HS3ST4: variants seen among roughly 807,000 people sequenced by gnomAD.
The protein encoded by HS3ST4 is heparan sulfate-glucosamine 3-sulfotransferase 4, also known as heparan sulfate glucosamine 3-O-sulfotransferase 4.
Under a neutral mutation model 29.2 loss-of-function variants are expected in HS3ST4, and 17 were observed. That is an observed-to-expected ratio of 0.58 (90% CI 0.40 to 0.87). The LOEUF (loss-of-function observed/expected upper bound fraction) is 0.87. Ranked by LOEUF, HS3ST4 falls within the 40% of genes least tolerant of loss-of-function variation. The pLI, the probability that HS3ST4 is intolerant of heterozygous loss-of-function variation, is 0.00. For synonymous variants in HS3ST4, 314 were observed against 285.7 expected (o/e 1.10, Z -1.00); for missense variants, 627 against 634.5 (o/e 0.99, Z 0.13).
At chr16:25,985,346 C>T (rs1054913687) in intron 1 of HS3ST4, among the ~76,000 whole-genome samples, 6 of 152,128 alleles carry the variant, frequency 3.9e-5, no homozygotes, top group African/African-American at 1.4e-4. Context: ...GAATGAGAGG[C>T]AATTTGGGCA....
chr16:25,861,178 G>T lies in HS3ST4; in HGVS notation c.734+168027G>T, dbSNP rs542027964. Among the ~76,000 whole-genome samples the T allele has an allele frequency of 4.6e-5, 7 of 152,296 alleles. No individual in the cohort carries two copies. The South Asian group carries it at 1.5e-3, about 32-fold the overall frequency. On this transcript the variant is annotated intron_variant, in intron 1 of 1. Coordinates refer to ENST00000331351, the MANE Select transcript of HS3ST4 (RefSeq NM_006040.3). ...GAGACTGATTTGAACAGAGGCAGGG[G>T]CATCCATCTTCCTAGTGTCAGTCAC...
Position 26,136,252 on chromosome 16 carries a change from T to C in HS3ST4, c.*4T>C, listed in dbSNP as rs1596694759. ...ACAGGAAGAGGGTGATAAATGAGGCTAGAGAGGCAGAGGAAGGCTAGTCAA... is the reference window on the plus strand; with the variant it reads ...ACAGGAAGAGGGTGATAAATGAGGCCAGAGAGGCAGAGGAAGGCTAGTCAA... On this transcript the variant is annotated 3_prime_UTR_variant, in exon 2 of 2. Transcript: ENST00000331351. 6.2e-7 allele frequency: 1 copy of C among 1,608,298 alleles called. No individual in the cohort carries two copies. Among genetic ancestry groups the C allele is most frequent in the Non-Finnish European group, 8.5e-7 (1 of 1,177,888 alleles).
intron 1 of HS3ST4, among the ~76,000 whole-genome samples, chr16:26,000,646 GGTAAACA>G (rs1258625605): frequency 6.6e-6 from 1 of 152,162 alleles, no homozygotes; most frequent in Non-Finnish European, 1.5e-5. Context: ...TTATTGGACA[GGTAAACA>G]GCTTTTACAG....
chr16:25,715,032 C>G (rs1173334230), intron 1 of HS3ST4, among the ~76,000 whole-genome samples: 28 of 152,226 alleles, frequency 1.8e-4, no homozygotes. Context: ...TTTAGTAAAA[C>G]TCAGCGCCGG....
At chr16:26,004,119 G>A (rs143992244) in intron 1 of HS3ST4, among the ~76,000 whole-genome samples, 81 of 152,118 alleles carry the variant, frequency 5.3e-4, no homozygotes, top group Non-Finnish European at 9.4e-4. Context: ...ATAAATGCAC[G>A]TGTTCATGCC....
chr16:25,877,995 G>A (rs1231874001), intron 1 of HS3ST4, among the ~76,000 whole-genome samples: 3 of 152,136 alleles, frequency 2.0e-5, no homozygotes, highest in Non-Finnish European at 4.4e-5. Flanking sequence ...CCTTATGTAG[G>A]ATGTGTCTCT....
At chr16:25,768,144 C>G (rs1966833401) in intron 1 of HS3ST4, among the ~76,000 whole-genome samples, 4 of 152,160 alleles carry the variant, frequency 2.6e-5, no homozygotes, top group Admixed American at 2.6e-4. Context: ...AGAGTTGGGT[C>G]ATCAGTTTTG....
At chr16:25,964,603 T>C (rs1294357456) in intron 1 of HS3ST4, among the ~76,000 whole-genome samples, 1 of 152,144 alleles carries the variant, frequency 6.6e-6, no homozygotes, top group Non-Finnish European at 1.5e-5. Context: ...AGCTAGGAAA[T>C]GATGGAGCTG....
chr16:25,933,115 C>A (rs117972480), intron 1 of HS3ST4, among the ~76,000 whole-genome samples: 2,022 of 152,256 alleles, frequency 0.013, 15 homozygotes, highest in Non-Finnish European at 0.019. Context: ...GTATCTGTTT[C>A]CTTCTGAAAA....
At chr16:25,909,712 GCC>G (rs1968216741) in intron 1 of HS3ST4, among the ~76,000 whole-genome samples, 1 of 152,180 alleles carries the variant, frequency 6.6e-6, no homozygotes, top group African/African-American at 2.4e-5. Context: ...CAACAACACT[GCC>G]AACTAGTCTT....
chr16:25,716,511 C>T (rs757624475), intron 1 of HS3ST4, among the ~76,000 whole-genome samples: 5 of 152,168 alleles, frequency 3.3e-5, no homozygotes, highest in African/African-American at 4.8e-5. Context: ...GAGAAAGCCG[C>T]ATCTTGAAAA....
intron 1 of HS3ST4, among the ~76,000 whole-genome samples, chr16:25,748,288 A>G (rs1478927562): frequency 6.6e-6 from 1 of 152,102 alleles, no homozygotes; most frequent in East Asian, 1.9e-4. Context: ...GTGCCCCATT[A>G]GCTGAAATTG....
intron 1 of HS3ST4, among the ~76,000 whole-genome samples, chr16:25,942,492 G>A (rs1197013776): frequency 6.6e-6 from 1 of 152,068 alleles, no homozygotes; most frequent in African/African-American, 2.4e-5. Flanking sequence ...CTGAAAAACA[G>A]CACTTTCATC....
chr16:25,768,205 C>T (rs1045576296), intron 1 of HS3ST4, among the ~76,000 whole-genome samples: 1 of 152,186 alleles, frequency 6.6e-6, no homozygotes, highest in African/African-American at 2.4e-5. Context: ...TCTGTCTTTT[C>T]TCCCCAATGC....
intron 1 of HS3ST4, among the ~76,000 whole-genome samples, chr16:25,834,994 C>A (rs1296409991): frequency 2.0e-5 from 3 of 151,978 alleles, no homozygotes; most frequent in Non-Finnish European, 4.4e-5. Context: ...ATCCCTCCAA[C>A]CAACCAAAGA....
At chr16:25,797,758 CA>C (rs1966895484) in intron 1 of HS3ST4, among the ~76,000 whole-genome samples, 1 of 152,156 alleles carries the variant, frequency 6.6e-6, no homozygotes, top group African/African-American at 2.4e-5. Flanking sequence ...ATGTCTAGAG[CA>C]ATGGATAACA....
chr16:26,068,312 C>A (rs191503571), intron 1 of HS3ST4, among the ~76,000 whole-genome samples: 1 of 152,110 alleles, frequency 6.6e-6, no homozygotes. Flanking sequence ...TTGTAGGACA[C>A]AAAATTATTT....
intron 1 of HS3ST4, among the ~76,000 whole-genome samples, chr16:26,089,021 G>A (rs1225229379): frequency 6.6e-6 from 1 of 152,210 alleles, no homozygotes; most frequent in Non-Finnish European, 1.5e-5. Context: ...TGTCTAGCTT[G>A]TTGCCTGCCT....
chr16:26,127,115 G>A (rs960121495), intron 1 of HS3ST4, among the ~76,000 whole-genome samples: 22 of 151,980 alleles, frequency 1.4e-4, no homozygotes, highest in Non-Finnish European at 2.8e-4. Flanking sequence ...TTCTCAACAG[G>A]CCATCATAAT....
Sources: gnomAD v4.1 joint callset for allele counts (sites outside exome capture counted in the v4.1 genomes callset) on GRCh38, gnomAD v4.1.1 for gene constraint, MANE v1.5 for transcripts, NCBI Gene and HGNC (gene_info 2026-07-23, HGNC 2026-07-21) for gene names.